The following CCSER1 variants were observed in gnomAD, a reference collection of about 807,000 sequenced individuals.
CCSER1 encodes the protein serine-rich coiled-coil domain-containing protein 1.
Under a neutral mutation model 82.0 loss-of-function variants are expected in CCSER1, and 41 were observed. The observed-to-expected ratio is 0.50, with a 90% CI of 0.39 to 0.65. The LOEUF (loss-of-function observed/expected upper bound fraction) is 0.65, where lower values mean the gene tolerates loss of function less well. Among genes scored for constraint, CCSER1 ranks in the 30% least tolerant of loss-of-function variants. The pLI is 0.00. For synonymous variants in CCSER1, 414 were observed against 383.9 expected, an observed-to-expected ratio of 1.08 and a Z score of -0.92; for missense variants, 1,119 against 1,064.2, an observed-to-expected ratio of 1.05 and a Z score of -0.72.
At chr4:91,106,110 A>G (rs1277101674) in intron 10 of CCSER1, among the ~76,000 whole-genome samples, 1 of 152,220 alleles carries the variant, frequency 6.6e-6, no homozygotes. Context: ...CACTCTGAAC[A>G]CTAGAAAAAC....
intron 6 of CCSER1, among the ~76,000 whole-genome samples, chr4:90,632,277 T>G (rs1028509362): frequency 6.6e-6 from 1 of 152,100 alleles, no homozygotes; most frequent in African/African-American, 2.4e-5. Flanking sequence ...CATTCCAGAT[T>G]TTTTTAAAAG....
intron 10 of CCSER1, among the ~76,000 whole-genome samples, chr4:91,435,834 A>C (rs1754615955): frequency 6.6e-6 from 1 of 152,212 alleles, no homozygotes; most frequent in African/African-American, 2.4e-5. Context: ...AGCCCAGCCT[A>C]TAATTTGCTT....
intron 9 of CCSER1, among the ~76,000 whole-genome samples, chr4:90,930,910 T>A (rs956663996): frequency 2.7e-5 from 3 of 109,646 alleles, no homozygotes; most frequent in Non-Finnish European, 5.9e-5. Context: ...TATCCTTATT[T>A]TATATATATA....
intron 1 of CCSER1, among the ~76,000 whole-genome samples, chr4:90,297,633 T>C (rs1732225145): frequency 6.6e-6 from 1 of 150,972 alleles, no homozygotes. Flanking sequence ...TGTGGGTTTG[T>C]CATAGATAGC....
chr4:91,513,399 G>T (rs2138585), intron 10 of CCSER1, among the ~76,000 whole-genome samples: 106,146 of 151,980 alleles, frequency 0.7, 37,239 homozygotes, highest in Middle Eastern at 0.72. Flanking sequence ...TCTGTGTTCA[G>T]CAGGGATATT....
intron 3 of CCSER1, among the ~76,000 whole-genome samples, chr4:90,319,600 C>T (rs754568564): frequency 1.3e-5 from 2 of 151,596 alleles, no homozygotes; most frequent in Non-Finnish European, 2.9e-5. Context: ...TGCAGTGAGC[C>T]GAGATCGCGC....
chr4:91,083,197 G>A (rs971845703), intron 9 of CCSER1, among the ~76,000 whole-genome samples: 4 of 152,186 alleles, frequency 2.6e-5, no homozygotes, highest in South Asian at 2.1e-4. Flanking sequence ...TTAAGAAAAT[G>A]TGGCACATAT....
intron 8 of CCSER1, among the ~76,000 whole-genome samples, chr4:90,872,683 T>G (rs1354849989): frequency 6.6e-6 from 1 of 152,040 alleles, no homozygotes; most frequent in Non-Finnish European, 1.5e-5. Flanking sequence ...ACTCTGTATT[T>G]GTCTGTCAAC....
At chr4:91,332,757 T>C (rs1051186226) in intron 10 of CCSER1, among the ~76,000 whole-genome samples, 13 of 151,986 alleles carry the variant, frequency 8.6e-5, no homozygotes, top group Admixed American at 3.3e-4. Flanking sequence ...TAATTCAGTT[T>C]ATAGTAACAT....
intron 1 of CCSER1, among the ~76,000 whole-genome samples, chr4:90,307,792 T>A (rs1247928616): frequency 1.3e-5 from 2 of 152,152 alleles, no homozygotes; most frequent in Admixed American, 6.6e-5. Context: ...TGGTGTAAAA[T>A]GAAAATACTT....
chr4:90,942,998 G>C (rs1731777125), intron 9 of CCSER1, among the ~76,000 whole-genome samples: 1 of 150,264 alleles, frequency 6.7e-6, no homozygotes, highest in Non-Finnish European at 1.5e-5. Context: ...CTGTAAGGAA[G>C]AATAAGCAGT....
chr4:91,372,957 C>T (rs1461175950), intron 10 of CCSER1, among the ~76,000 whole-genome samples: 1 of 151,640 alleles, frequency 6.6e-6, no homozygotes, highest in Admixed American at 6.6e-5. Flanking sequence ...AAGCAGCCTA[C>T]ATCAGGATGT....
chr4:91,338,864 A>G (rs1233630997), intron 10 of CCSER1, among the ~76,000 whole-genome samples: 2 of 152,046 alleles, frequency 1.3e-5, no homozygotes, highest in Non-Finnish European at 2.9e-5. Flanking sequence ...CTCTTTAAAT[A>G]TATATATTTA....
intron 5 of CCSER1, among the ~76,000 whole-genome samples, chr4:90,592,457 G>A (rs889165789): frequency 1.8e-4 from 27 of 152,138 alleles, no homozygotes; most frequent in Non-Finnish European, 3.2e-4. Context: ...ATATGTTCAT[G>A]TGTGAGGATT....
In CCSER1 at chr4:91,488,535, G is replaced by C. The variant is rs142684238; in HGVS notation, c.2218-110037G>C. Among the ~76,000 whole-genome samples, 373 of 152,268 alleles carry C rather than the reference G, an allele frequency of 2.4e-3. 2 individuals carry two copies. Among genetic ancestry groups the C allele is most frequent in the African/African-American group, 8.6e-3 (356 of 41,554 alleles). On this transcript the variant is annotated intron_variant, in intron 10 of 10. Transcript: ENST00000509176. ...CTGGTGGGAGGTGATCAGATCATGA[G>C]AGCAGATTTCCCCCTTGCTGTTCTC... is the stretch of plus-strand genomic sequence containing the variant.
chr4:90,622,956 A>G (rs1480673662), intron 5 of CCSER1, among the ~76,000 whole-genome samples: 5 of 151,112 alleles, frequency 3.3e-5, no homozygotes, highest in African/African-American at 1.2e-4. Flanking sequence ...AATGATCACC[A>G]TTCTAACTGG....
rs564910979 is a variant in CCSER1, at chr4:91,153,544, T to C, written c.2217+67550T>C. Reference sequence around the variant, plus strand: ...GTCAAAGTCATTCTCCATCCAGCTTTGTCCTGTTGCTGGCAAGGAGCTGCA... The same window carrying C: ...GTCAAAGTCATTCTCCATCCAGCTTCGTCCTGTTGCTGGCAAGGAGCTGCA... On this transcript the variant is annotated intron_variant, in intron 10 of 10. Transcript: ENST00000509176. Among the ~76,000 whole-genome samples, 5 of 152,122 alleles carry C rather than the reference T, an allele frequency of 3.3e-5. No homozygotes were observed. The South Asian group carries it at 1.0e-3, about 32-fold the overall frequency.
chr4:91,183,878 A>T (rs1734274338), intron 10 of CCSER1, among the ~76,000 whole-genome samples: 1 of 152,192 alleles, frequency 6.6e-6, no homozygotes, highest in Non-Finnish European at 1.5e-5. Flanking sequence ...TAGAAAGCAG[A>T]TTACTCATGG....
At chr4:91,464,045 A>G (rs531681703) in intron 10 of CCSER1, among the ~76,000 whole-genome samples, 67 of 152,290 alleles carry the variant, frequency 4.4e-4, no homozygotes, top group African/African-American at 1.5e-3. Flanking sequence ...TCCAAGACAC[A>G]TAATTGTCAG....
Sources: gnomAD v4.1 joint callset for allele counts (sites outside exome capture counted in the v4.1 genomes callset) on GRCh38, gnomAD v4.1.1 for gene constraint, MANE v1.5 for transcripts, NCBI Gene and HGNC (gene_info 2026-07-23, HGNC 2026-07-21) for gene names.